The following RORB variants were observed in gnomAD, a reference collection of about 807,000 sequenced individuals.
RORB encodes RAR related orphan receptor B.
RORB carries 6 observed loss-of-function variants against 59.1 expected under a neutral mutation model. The ratio of observed to expected loss-of-function variants is 0.10; its 90% CI spans 0.06 to 0.20. The LOEUF (loss-of-function observed/expected upper bound fraction) is 0.20, where lower values mean the gene tolerates loss of function less well. Ranked by LOEUF, RORB falls within the 10% of genes least tolerant of loss-of-function variation. The pLI, the probability that RORB is intolerant of heterozygous loss-of-function variation, is 1.00. For synonymous variants in RORB, 215 were observed against 204.5 expected (o/e 1.05, Z -0.44); for missense variants, 320 against 560.5 (o/e 0.57, Z 4.33).
At chr9:74,599,760 C>A (rs1315172404) in intron 1 of RORB, among the ~76,000 whole-genome samples, 2 of 152,318 alleles carry the variant, frequency 1.3e-5, no homozygotes, top group African/African-American at 2.4e-5. Flanking sequence ...AACTCTGACT[C>A]CATGCCCTGG....
rs1824741954 is a variant in RORB, at chr9:74,691,612, T to C, written c.*5994T>C. Reference sequence around the variant, plus strand: ...ACAATGTATGCTGTCTCTGTAATTTTTGCTGTAAATAACTGGAGACGGTGA... The same window carrying C: ...ACAATGTATGCTGTCTCTGTAATTTCTGCTGTAAATAACTGGAGACGGTGA... On this transcript the variant is annotated 3_prime_UTR_variant, in exon 10 of 10. Transcript: ENST00000376896. 1 of 152,226 alleles carries C rather than the reference T, an allele frequency of 6.6e-6. No individual in the cohort carries two copies. Among genetic ancestry groups the C allele is most frequent in the African/African-American group, 2.4e-5 (1 of 41,468 alleles). 9.4% of individuals were successfully genotyped at this position (152,226 alleles called of 1,614,324 possible).
chr9:74,570,885 C>T (rs1264329108), intron 1 of RORB, among the ~76,000 whole-genome samples: 1 of 151,854 alleles, frequency 6.6e-6, no homozygotes, highest in Admixed American at 6.6e-5. Flanking sequence ...ATTACTTTTA[C>T]ATTTTATTAT....
chr9:74,643,459 T>C (rs1823843796), intron 4 of RORB, among the ~76,000 whole-genome samples: 1 of 152,246 alleles, frequency 6.6e-6, no homozygotes, highest in Non-Finnish European at 1.5e-5. Context: ...TGATCCTCTT[T>C]CCTTCGATTC....
At chr9:74,637,840 G>A (rs1483316613) in intron 3 of RORB, among the ~76,000 whole-genome samples, 6 of 152,268 alleles carry the variant, frequency 3.9e-5, no homozygotes, top group Admixed American at 3.9e-4. Context: ...TTCAAATTCA[G>A]TTCTTCAGTC....
chr9:74,505,368 T>A (rs1037577903), intron 1 of RORB, among the ~76,000 whole-genome samples: 10 of 152,070 alleles, frequency 6.6e-5, no homozygotes. Flanking sequence ...TTCCCCAAAA[T>A]ATTTCAGTTT....
intron 6 of RORB, among the ~76,000 whole-genome samples, chr9:74,663,509 A>G (rs1824222405): frequency 6.6e-6 from 1 of 152,208 alleles, no homozygotes; most frequent in Non-Finnish European, 1.5e-5. Flanking sequence ...AAATGACTCA[A>G]GTTGATGAAA....
At chr9:74,595,217 T>G (rs1283707002) in intron 1 of RORB, among the ~76,000 whole-genome samples, 1 of 152,152 alleles carries the variant, frequency 6.6e-6, no homozygotes, top group African/African-American at 2.4e-5. Context: ...GATCATCCTG[T>G]CAATGGTTAG....
chr9:74,692,553 G>T lies in RORB; in HGVS notation c.*6935G>T, dbSNP rs371634133. The stretch of plus-strand genomic sequence containing the variant: ...TTGGCTGTGCCCACTAACCTACTGC[G>T]CCTGGGGGGCAGCATGGGAGGGGTA... On this transcript the variant is annotated 3_prime_UTR_variant, in exon 10 of 10. Coordinates refer to ENST00000376896, the MANE Select transcript of RORB (RefSeq NM_006914.4). 1 of 152,138 alleles carries T rather than the reference G, an allele frequency of 6.6e-6. No individual in the cohort carries two copies. The highest frequency in any genetic ancestry group is 1.5e-5 in the Non-Finnish European group (1 of 68,038). 9.4% of individuals were successfully genotyped at this position (152,138 alleles called of 1,614,324 possible). A position where few individuals can be genotyped will look rare whatever the true frequency, so the allele number is the denominator to read the frequency against.
At chr9:74,574,034 G>A (rs55881950) in intron 1 of RORB, among the ~76,000 whole-genome samples, 5 of 152,228 alleles carry the variant, frequency 3.3e-5, no homozygotes, top group Non-Finnish European at 7.4e-5. Context: ...GAACAGAGGC[G>A]CCATTATGAT....
Position 74,662,609 on chromosome 9 carries a change from A to G in RORB, c.892+3A>G. 1 of 1,613,222 alleles carries G rather than the reference A, an allele frequency of 6.2e-7. No homozygotes were observed. Among genetic ancestry groups the G allele is most frequent in the Non-Finnish European group, 8.5e-7 (1 of 1,179,974 alleles). ...TCAAATTCTACTTCTGAAGTCAGGT[A>G]AGCAAGAAGATTCATGGGAGGCCTA... is the stretch of plus-strand genomic sequence containing the variant. On this transcript the variant is annotated splice_donor_region_variant and intron_variant, in intron 6 of 9. Coordinates refer to ENST00000376896, the MANE Select transcript of RORB (RefSeq NM_006914.4).
intron 4 of RORB, among the ~76,000 whole-genome samples, chr9:74,644,060 C>T (rs1323991480): frequency 6.6e-6 from 1 of 152,266 alleles, no homozygotes; most frequent in Non-Finnish European, 1.5e-5. Flanking sequence ...GTCACCTTCT[C>T]TGTCTAACCT....
intron 1 of RORB, among the ~76,000 whole-genome samples, chr9:74,522,842 A>T (rs554366423): frequency 1.3e-5 from 2 of 151,942 alleles, no homozygotes; most frequent in South Asian, 4.1e-4. Context: ...TAGGGGCATC[A>T]CTGCAAATCA....
chr9:74,530,037 C>T (rs1257685956), intron 1 of RORB, among the ~76,000 whole-genome samples: 1 of 152,048 alleles, frequency 6.6e-6, no homozygotes, highest in Non-Finnish European at 1.5e-5. Flanking sequence ...ACCTGTCTCT[C>T]ATCCCAAATG....
chr9:74,595,618 C>A lies in RORB; in HGVS notation c.8-34664C>A, dbSNP rs183304098. ...CAATTGAAAACAACAGCTTTGTATC[C>A]CTTTCCTTTTGTCAAAGACAGAATT... On this transcript the variant is annotated intron_variant, in intron 1 of 9. Transcript: ENST00000376896. Among the ~76,000 whole-genome samples, 93 of 152,254 alleles carry A rather than the reference C, an allele frequency of 6.1e-4. 1 individual carries two copies. Among genetic ancestry groups the A allele is most frequent in the Admixed American group, 6.1e-3 (93 of 15,284 alleles).
chr9:74,581,217 A>G (rs1461875291), intron 1 of RORB, among the ~76,000 whole-genome samples: 1 of 152,174 alleles, frequency 6.6e-6, no homozygotes, highest in Non-Finnish European at 1.5e-5. Flanking sequence ...GCCCCAGAGA[A>G]AAGTCTCCGT....
chr9:74,514,223 C>A (rs1825979737), intron 1 of RORB, among the ~76,000 whole-genome samples: 1 of 152,076 alleles, frequency 6.6e-6, no homozygotes, highest in Non-Finnish European at 1.5e-5. Flanking sequence ...ACCTCAGAAT[C>A]AGCAACCCTG....
rs556587533 is a variant in RORB, at chr9:74,619,775, CT to C, written c.8-10503del. ...AGGGCTGTTGAATTTTGTCGAAGAC[CT>C]TTTCTGCATCTATTGAGATAATCAT... On this transcript the variant is annotated intron_variant, in intron 1 of 9. Transcript: ENST00000376896. Among the ~76,000 whole-genome samples, 731 of 152,232 alleles carry C rather than the reference CT, an allele frequency of 4.8e-3. 3 individuals carry two copies. The highest frequency in any genetic ancestry group is 0.017 in the African/African-American group (691 of 41,536).
At chr9:74,649,436 G>A (rs140057669) in intron 4 of RORB, among the ~76,000 whole-genome samples, 1 of 152,054 alleles carries the variant, frequency 6.6e-6, no homozygotes, top group Non-Finnish European at 1.5e-5. Flanking sequence ...CCCAGTTTGG[G>A]GCCAATTTGT....
intron 1 of RORB, among the ~76,000 whole-genome samples, chr9:74,600,735 T>C (rs1823042319): frequency 6.6e-6 from 1 of 152,232 alleles, no homozygotes. Flanking sequence ...GAAGTATAAG[T>C]CCTATTTTAT....
Sources: gnomAD v4.1 joint callset for allele counts (sites outside exome capture counted in the v4.1 genomes callset) on GRCh38, gnomAD v4.1.1 for gene constraint, MANE v1.5 for transcripts, NCBI Gene and HGNC (gene_info 2026-07-23, HGNC 2026-07-21) for gene names.